The following KCNAB1 variants were observed in gnomAD, a reference collection of about 807,000 sequenced individuals.
KCNAB1 encodes the protein voltage-gated potassium channel subunit beta-1.
In KCNAB1, 35 loss-of-function variants were observed where a neutral mutation model predicts 64.6. The ratio of observed to expected loss-of-function variants is 0.54; its 90% CI spans 0.41 to 0.72. The LOEUF is 0.72. KCNAB1 is among the 30% of genes least tolerant of loss of function. The pLI is 0.00. For missense variants in KCNAB1, 401 were observed against 512.9 expected, an observed-to-expected ratio of 0.78 and a Z score of 2.11; for synonymous variants, 177 against 183.8, an observed-to-expected ratio of 0.96 and a Z score of 0.30.
chr3:156,500,291 C>T (rs1053877883), intron 8 of KCNAB1, among the ~76,000 whole-genome samples: 2 of 152,162 alleles, frequency 1.3e-5, no homozygotes, highest in Admixed American at 1.3e-4. Flanking sequence ...GAGGGTTAGA[C>T]AAAAGATTGG....
At chr3:156,474,353 A>G (rs1340941490) in intron 7 of KCNAB1, among the ~76,000 whole-genome samples, 1 of 152,210 alleles carries the variant, frequency 6.6e-6, no homozygotes, top group Non-Finnish European at 1.5e-5. Flanking sequence ...CTATTAAGTG[A>G]TCCAAAATAC....
chr3:156,442,435 G>A (rs1316989030), intron 2 of KCNAB1, among the ~76,000 whole-genome samples: 18 of 152,078 alleles, frequency 1.2e-4, no homozygotes, highest in Admixed American at 2.6e-4. Context: ...GAACAAAATG[G>A]TTCCAGACAG....
chr3:156,139,584 G>GTTTTTTTTTTTTTTTTTTT (rs386398329), intron 1 of KCNAB1, among the ~76,000 whole-genome samples: 4 of 55,256 alleles, frequency 7.2e-5, no homozygotes, highest in African/African-American at 2.3e-4. Flanking sequence ...ATTGTACTGT[G>GTTTTTTTTTTTTTTTTTTT]TTTTTTTTTT....
intron 8 of KCNAB1, among the ~76,000 whole-genome samples, chr3:156,498,944 A>G (rs1040549839): frequency 1.3e-5 from 2 of 152,240 alleles, no homozygotes; most frequent in African/African-American, 2.4e-5. Flanking sequence ...AGCAATGGCT[A>G]CCAAGAGATG....
chr3:156,536,518 G>A (rs1260835295), intron 13 of KCNAB1, 140 bp from the exon 14 acceptor site: 1 of 667,016 alleles, frequency 1.5e-6, no homozygotes, highest in East Asian at 2.6e-5. Flanking sequence ...ATGTGATGGT[G>A]TTGGGGGCGG....
At chr3:156,260,186 G>T (rs1227786255) in intron 1 of KCNAB1, among the ~76,000 whole-genome samples, 1 of 152,268 alleles carries the variant, frequency 6.6e-6, no homozygotes, top group East Asian at 1.9e-4. Flanking sequence ...CTTCTGACGT[G>T]TAAAGGAAAT....
At chr3:156,481,646 C>T (rs1459717160) in intron 8 of KCNAB1, among the ~76,000 whole-genome samples, 2 of 152,056 alleles carry the variant, frequency 1.3e-5, no homozygotes, top group African/African-American at 4.8e-5. Flanking sequence ...ATCTCAAGTT[C>T]GTCTGTTTAG....
chr3:156,519,577 C>G (rs996399788), intron 11 of KCNAB1, among the ~76,000 whole-genome samples: 5 of 152,188 alleles, frequency 3.3e-5, no homozygotes, highest in Non-Finnish European at 4.4e-5. Flanking sequence ...TTCTAATTCT[C>G]TGGTTGCGAG....
chr3:156,477,339 T>C (rs1055566186), intron 8 of KCNAB1, among the ~76,000 whole-genome samples: 9 of 152,144 alleles, frequency 5.9e-5, no homozygotes, highest in African/African-American at 1.9e-4. Flanking sequence ...TCCTGAGTCA[T>C]TTTCCAAGCT....
At chr3:156,455,660 G>T (rs1462625525) in intron 3 of KCNAB1, among the ~76,000 whole-genome samples, 2 of 152,024 alleles carry the variant, frequency 1.3e-5, no homozygotes. Flanking sequence ...AAATTATTAT[G>T]ACTTTTACAC....
At chr3:156,167,113 C>T (rs759056342) in intron 1 of KCNAB1, among the ~76,000 whole-genome samples, 3 of 152,196 alleles carry the variant, frequency 2.0e-5, no homozygotes, top group Admixed American at 6.5e-5. Flanking sequence ...CCCCTTTCTG[C>T]ACCACCATGT....
intron 2 of KCNAB1, among the ~76,000 whole-genome samples, chr3:156,440,329 G>GT (rs1716903781): frequency 6.6e-6 from 1 of 152,170 alleles, no homozygotes; most frequent in Non-Finnish European, 1.5e-5. Context: ...CTTCATTCCT[G>GT]TACAATTGGG....
At chr3:156,306,567 C>T (rs974251414) in intron 1 of KCNAB1, among the ~76,000 whole-genome samples, 2 of 152,268 alleles carry the variant, frequency 1.3e-5, no homozygotes, top group African/African-American at 2.4e-5. Context: ...AGTGTGTTTT[C>T]GGTGTCCAGA....
intron 1 of KCNAB1, among the ~76,000 whole-genome samples, chr3:156,144,672 T>C (rs1440379669): frequency 2.0e-5 from 3 of 152,168 alleles, no homozygotes; most frequent in Non-Finnish European, 4.4e-5. Context: ...TCTCCGTGTT[T>C]CCTCGACCCT....
In KCNAB1 at chr3:156,291,324, C is replaced by T; in HGVS notation, c.276-130292C>T. ...CGGAGCGGAGGCGGGAGGGAGCTGA[C>T]AGCCGGAGTGGATGGAGACCACCAG... On this transcript the variant is annotated intron_variant, in intron 1 of 13. Transcript: ENST00000490337. 4.0e-6 allele frequency: 4 copies of T among 989,586 alleles called. No individual in the cohort carries two copies. In the South Asian group the frequency reaches 1.9e-4, roughly 46 times the overall value. The allele number at this position is 989,586 out of a possible 1,614,324, so 61.3% of individuals were successfully genotyped here. A position where few individuals can be genotyped will look rare whatever the true frequency, so the allele number is the denominator to read the frequency against.
Position 156,490,909 on chromosome 3 carries a change from T to A in KCNAB1, c.658+16089T>A, listed in dbSNP as rs1019103020. Among the ~76,000 whole-genome samples, 4 of 151,998 alleles carry A rather than the reference T, an allele frequency of 2.6e-5. No individual in the cohort carries two copies. The East Asian group carries it at 7.7e-4, about 29-fold the overall frequency. Reference sequence around the variant, plus strand: ...AAACATTATCATGAGATTTCACAACTGAAAAGAGAAAGAAAAGCATCCTAA... The same window carrying A: ...AAACATTATCATGAGATTTCACAACAGAAAAGAGAAAGAAAAGCATCCTAA... On this transcript the variant is annotated intron_variant, in intron 8 of 13. Coordinates refer to ENST00000490337, the MANE Select transcript of KCNAB1 (RefSeq NM_172160.3).
intron 1 of KCNAB1, among the ~76,000 whole-genome samples, chr3:156,131,547 G>A (rs955038351): frequency 2.6e-5 from 4 of 152,174 alleles, no homozygotes; most frequent in African/African-American, 9.7e-5. Context: ...ACAAAATAAA[G>A]TGCATTGTTT....
At chr3:156,358,412 G>T (rs1280616287) in intron 1 of KCNAB1, among the ~76,000 whole-genome samples, 1 of 152,124 alleles carries the variant, frequency 6.6e-6, no homozygotes, top group Non-Finnish European at 1.5e-5. Context: ...ATGCTGAGAG[G>T]ACAGCAGGGA....
At chr3:156,386,905 G>A (rs771192266) in intron 1 of KCNAB1, among the ~76,000 whole-genome samples, 1 of 152,036 alleles carries the variant, frequency 6.6e-6, no homozygotes, top group African/African-American at 2.4e-5. Context: ...GCAAGGCCCA[G>A]CTTCCCTTTC....
Sources: gnomAD v4.1 joint callset for allele counts (sites outside exome capture counted in the v4.1 genomes callset) on GRCh38, gnomAD v4.1.1 for gene constraint, MANE v1.5 for transcripts, NCBI Gene and HGNC (gene_info 2026-07-23, HGNC 2026-07-21) for gene names.